FRMD4B: variants seen among roughly 807,000 people sequenced by gnomAD.
FRMD4B encodes FERM domain-containing protein 4B.
A neutral mutation model predicts 141.5 loss-of-function variants in FRMD4B; 74 were observed. That is an observed-to-expected ratio of 0.52 (90% CI 0.43 to 0.63). FRMD4B has a LOEUF of 0.63. Ranked by LOEUF, FRMD4B falls within the 30% of genes least tolerant of loss-of-function variation. FRMD4B has a pLI of 0.00. For synonymous variants in FRMD4B, 506 were observed against 467.9 expected, an observed-to-expected ratio of 1.08 and a Z score of -1.05; for missense variants, 1,366 against 1,253.4, an observed-to-expected ratio of 1.09 and a Z score of -1.36.
intron 2 of FRMD4B, among the ~76,000 whole-genome samples, chr3:69,416,597 A>C (rs1704866471): frequency 6.6e-6 from 1 of 152,104 alleles, no homozygotes; most frequent in Non-Finnish European, 1.5e-5. Flanking sequence ...GGTTTGTTAC[A>C]TAGGTATATA....
At chr3:69,478,145 C>T (rs1224514067) in intron 1 of FRMD4B, among the ~76,000 whole-genome samples, 1 of 152,110 alleles carries the variant, frequency 6.6e-6, no homozygotes, top group Non-Finnish European at 1.5e-5. Context: ...TTGATCCTTT[C>T]AAAAAACCAG....
chr3:69,512,664 G>A (rs568311688), intron 1 of FRMD4B, among the ~76,000 whole-genome samples: 12 of 152,250 alleles, frequency 7.9e-5, no homozygotes, highest in East Asian at 1.9e-4. Context: ...GGGGAAGGGA[G>A]AAAGAGGATC....
At chr3:69,194,349 T>A (rs915814113) in intron 16 of FRMD4B, among the ~76,000 whole-genome samples, 4 of 152,202 alleles carry the variant, frequency 2.6e-5, no homozygotes, top group African/African-American at 9.6e-5. Context: ...GGATGAGGAT[T>A]AAATGAGATA....
intron 2 of FRMD4B, among the ~76,000 whole-genome samples, chr3:69,421,495 T>C (rs1432983710): frequency 6.6e-6 from 1 of 152,122 alleles, no homozygotes; most frequent in Non-Finnish European, 1.5e-5. Context: ...GATGCTCCAA[T>C]TTTTCCTGGG....
intron 3 of FRMD4B, among the ~76,000 whole-genome samples, chr3:69,304,572 A>C (rs1701333477): frequency 6.6e-6 from 1 of 152,008 alleles, no homozygotes; most frequent in Non-Finnish European, 1.5e-5. Flanking sequence ...CTGAGATTTA[A>C]GCACGTACTT....
chr3:69,407,011 G>A (rs1329986407), intron 2 of FRMD4B, among the ~76,000 whole-genome samples: 1 of 150,142 alleles, frequency 6.7e-6, no homozygotes, highest in Admixed American at 6.7e-5. Context: ...CTGAAGTGCT[G>A]AGATTACAGA....
chr3:69,300,715 G>C (rs1343931216), intron 4 of FRMD4B, among the ~76,000 whole-genome samples: 6 of 152,144 alleles, frequency 3.9e-5, no homozygotes, highest in Non-Finnish European at 5.9e-5. Flanking sequence ...AGGATGTTAG[G>C]TGCAACCTAT....
At chr3:69,250,423 A>G (rs137906188) in intron 5 of FRMD4B, among the ~76,000 whole-genome samples, 9 of 152,082 alleles carry the variant, frequency 5.9e-5, no homozygotes, top group Non-Finnish European at 1.0e-4. Flanking sequence ...TAAATGAAAA[A>G]TTTTTATCTC....
chr3:69,291,401 A>G (rs1485322506), intron 4 of FRMD4B, among the ~76,000 whole-genome samples: 1 of 152,010 alleles, frequency 6.6e-6, no homozygotes, highest in Non-Finnish European at 1.5e-5. Context: ...CAAAACTTAT[A>G]AAAAAAAGAG....
chr3:69,213,067 T>C lies in FRMD4B; in HGVS notation c.876+3196A>G, dbSNP rs1173737409. On this transcript the variant is annotated intron_variant, in intron 11 of 22. Coordinates refer to ENST00000398540, the MANE Select transcript of FRMD4B (RefSeq NM_015123.3). ...AAAAGTGAAGTGGTTAAATAAATTA[T>C]GTATTTCCACATCATGAAGCACTAG... Among the ~76,000 whole-genome samples, 3 of 152,202 alleles carry C rather than the reference T, an allele frequency of 2.0e-5. No homozygotes were observed. The East Asian group carries it at 5.8e-4, about 29-fold the overall frequency.
At chr3:69,262,553 A>G (rs949094098) in intron 5 of FRMD4B, among the ~76,000 whole-genome samples, 1 of 125,166 alleles carries the variant, frequency 8.0e-6, no homozygotes, top group Non-Finnish European at 1.6e-5. Flanking sequence ...ATCGCCTCCC[A>G]GGTTCAAGTG....
At chr3:69,443,560 A>G (rs755843924) in intron 1 of FRMD4B, among the ~76,000 whole-genome samples, 5 of 152,184 alleles carry the variant, frequency 3.3e-5, no homozygotes, top group Non-Finnish European at 5.9e-5. Context: ...TGCAATTGGC[A>G]TCTGAAATGG....
At chr3:69,430,163 T>G (rs1249985726) in intron 2 of FRMD4B, among the ~76,000 whole-genome samples, 1 of 152,010 alleles carries the variant, frequency 6.6e-6, no homozygotes, top group Non-Finnish European at 1.5e-5. Context: ...TGATATTGAG[T>G]AGGAATGCAC....
At chr3:69,321,719 ATT>A (rs10710995) in intron 1 of FRMD4B, among the ~76,000 whole-genome samples, 4,932 of 150,596 alleles carry the variant, frequency 0.033, 275 homozygotes, top group African/African-American at 0.11. Flanking sequence ...TTCACAAATG[ATT>A]TTTTTTTTTT....
intron 1 of FRMD4B, among the ~76,000 whole-genome samples, chr3:69,364,827 G>T (rs1045867920): frequency 6.6e-6 from 1 of 151,864 alleles, no homozygotes; most frequent in Non-Finnish European, 1.5e-5. Flanking sequence ...AAAATAAATG[G>T]TGCAGCATTC....
At chr3:69,356,385 C>A (rs1367836428) in intron 1 of FRMD4B, among the ~76,000 whole-genome samples, 1 of 152,062 alleles carries the variant, frequency 6.6e-6, no homozygotes, top group East Asian at 1.9e-4. Flanking sequence ...TGTGAAAAGA[C>A]AAGACTGGCC....
chr3:69,380,173 T>G (rs1034621185), intron 1 of FRMD4B, among the ~76,000 whole-genome samples: 28 of 152,186 alleles, frequency 1.8e-4, no homozygotes, highest in Non-Finnish European at 4.1e-4. Flanking sequence ...GGCTGTGACC[T>G]TCTAGATTTT....
intron 1 of FRMD4B, among the ~76,000 whole-genome samples, chr3:69,316,723 C>T (rs1383042235): frequency 6.6e-6 from 1 of 152,142 alleles, no homozygotes; most frequent in Non-Finnish European, 1.5e-5. Context: ...AAAAATAATG[C>T]TCAAAAGATC....
At chr3:69,281,894 T>C (rs1272182964) in intron 5 of FRMD4B, among the ~76,000 whole-genome samples, 1 of 151,686 alleles carries the variant, frequency 6.6e-6, no homozygotes, top group Non-Finnish European at 1.5e-5. Context: ...AAATCTTTAT[T>C]CCTTTTTCAG....
Sources: gnomAD v4.1 joint callset for allele counts (sites outside exome capture counted in the v4.1 genomes callset) on GRCh38, gnomAD v4.1.1 for gene constraint, MANE v1.5 for transcripts, NCBI Gene and HGNC (gene_info 2026-07-23, HGNC 2026-07-21) for gene names.